MYO18A: variants seen among roughly 807,000 people sequenced by gnomAD.
MYO18A encodes the protein unconventional myosin-XVIIIa.
In MYO18A, 78 loss-of-function variants were observed where a neutral mutation model predicts 235.8. That is an observed-to-expected ratio of 0.33 (90% CI 0.28 to 0.40). The LOEUF is 0.40. MYO18A is among the 10% of genes least tolerant of loss of function. The pLI is 1.00. For synonymous variants in MYO18A, 977 were observed against 1,077.8 expected, an observed-to-expected ratio of 0.91 and a Z score of 1.83; for missense variants, 2,215 against 2,699.3, an observed-to-expected ratio of 0.82 and a Z score of 3.98.
chr17:29,077,205 T>TG (rs1394307185), intron 41 of MYO18A: 1 of 152,272 alleles, frequency 6.6e-6, no homozygotes, highest in Non-Finnish European at 1.5e-5. Context: ...CCATTCTTAG[T>TG]GGCTTCCACT....
rs574405614 is a variant in MYO18A, at chr17:29,163,354, G to T, written c.999+2588C>A. Among the ~76,000 whole-genome samples the T allele has an allele frequency of 4.6e-5, 7 of 152,306 alleles. No homozygotes were observed. In the South Asian group the frequency reaches 1.2e-3, roughly 27 times the overall value. On this transcript the variant is annotated intron_variant, in intron 2 of 41. Coordinates refer to ENST00000527372, the MANE Select transcript of MYO18A (RefSeq NM_078471.4). ...CTCACCCTGGTCCTCTCTGCTTGTG[G>T]TATGAGTCCCCACCACCTACCTGGG...
Position 29,098,349 on chromosome 17 carries a change from C to A in MYO18A, c.3870+7G>T. 3 of 1,613,628 alleles carry A rather than the reference C, an allele frequency of 1.9e-6. No homozygotes were observed. The highest frequency in any genetic ancestry group is 1.1e-5 in the South Asian group (1 of 91,054). Reference sequence around the variant, plus strand: ...GCCCAGTCGGTGTGGTGCCAGGAGTCACTCACCCGGCTCTCCAGCCGGTCA... The same window carrying A: ...GCCCAGTCGGTGTGGTGCCAGGAGTAACTCACCCGGCTCTCCAGCCGGTCA... On this transcript the variant is annotated splice_region_variant and intron_variant, in intron 24 of 41. Coordinates refer to ENST00000527372, the MANE Select transcript of MYO18A (RefSeq NM_078471.4).
At chr17:29,107,591 G>C (rs1182965877) in intron 19 of MYO18A, 2 of 116,834 alleles carry the variant, frequency 1.7e-5, no homozygotes, top group African/African-American at 7.1e-5. Context: ...ACAAAATAAT[G>C]TCTTATGGTC....
rs1301701060 is a variant in MYO18A, at chr17:29,074,761, TC to T, written c.*8del. ...CTGGGGTGAGAGGGCTGCCAACCAC[TC>T]CCCTGGGCTATGCGTTAGTCTCCGT... On this transcript the variant is annotated 3_prime_UTR_variant, in exon 42 of 42. Transcript: ENST00000527372. This position sits in a 1 kb window ranked among gnomAD's most constrained non-coding sequence, Gnocchi z 4.4. 1 of 1,613,068 alleles carries T rather than the reference TC, an allele frequency of 6.2e-7. No homozygotes were observed. The highest frequency in any genetic ancestry group is 1.1e-5 in the South Asian group (1 of 91,014).
At position 29,109,543 on chromosome 17, in the gene MYO18A, A is replaced by G. The variant is rs547192774; in HGVS notation, c.3331+315T>C. 1.4e-4 allele frequency among the ~76,000 whole-genome samples: 21 copies of G among 152,326 alleles called. No individual in the cohort carries two copies. The highest frequency in any genetic ancestry group is 5.1e-4 in the African/African-American group (21 of 41,576). Reference sequence around the variant, plus strand: ...GGTTTGCTGCTGTGGGCAAAGCTGAACTGTCCAAACTAGGGACGTGGGAAG... The same window carrying G: ...GGTTTGCTGCTGTGGGCAAAGCTGAGCTGTCCAAACTAGGGACGTGGGAAG... On this transcript the variant is annotated intron_variant, in intron 19 of 41. Transcript: ENST00000527372. The surrounding 1 kb of genome is among the most constrained non-coding windows in gnomAD (Gnocchi z 4.1).
At chr17:29,076,635 T>C (rs1282486242) in intron 41 of MYO18A, 1 of 152,204 alleles carries the variant, frequency 6.6e-6, no homozygotes, top group Non-Finnish European at 1.5e-5. Context: ...ACTTAGGGAC[T>C]CTGGGGGGGT....
chr17:29,122,266 GAGA>G lies in MYO18A; in HGVS notation c.1000-16_1000-14del, dbSNP rs752620203. 11 of 1,605,880 alleles carry G rather than the reference GAGA, an allele frequency of 6.8e-6. No homozygotes were observed. In the East Asian group the frequency reaches 2.2e-4, roughly 33 times the overall value. ...CTTCTGTTTTCGCCTGTCAGAGAGAGAGAAGAATAAACAGGCCCTGCTATGGAA... is the reference window on the plus strand; with the variant it reads ...CTTCTGTTTTCGCCTGTCAGAGAGAGAGAATAAACAGGCCCTGCTATGGAA... On this transcript the variant is annotated splice_polypyrimidine_tract_variant and intron_variant, in intron 2 of 41. Coordinates refer to ENST00000527372, the MANE Select transcript of MYO18A (RefSeq NM_078471.4).
intron 2 of MYO18A, chr17:29,129,195 TGCGGCCAC>T: frequency 9.7e-7 from 1 of 1,032,300 alleles, no homozygotes; most frequent in Non-Finnish European, 1.3e-6. Flanking sequence ...GTCCCTCGTC[TGCGGCCAC>T]TGTCTGCCCT....
intron 41 of MYO18A, among the ~76,000 whole-genome samples, chr17:29,079,136 C>G (rs9896452): frequency 4.3e-4 from 65 of 152,320 alleles, no homozygotes; most frequent in African/African-American, 1.5e-3. Context: ...CCAACCACAG[C>G]TGGGGTATAG....
intron 2 of MYO18A, chr17:29,128,626 G>A (rs1707033318): frequency 9.5e-7 from 1 of 1,056,164 alleles, no homozygotes; most frequent in African/African-American, 1.7e-5. Flanking sequence ...AAGAAGGTGT[G>A]ACCTCACGCC....
Position 29,121,525 on chromosome 17 carries a change from G to T in MYO18A, c.1371+22C>A. 1 of 1,582,330 alleles carries T rather than the reference G, an allele frequency of 6.3e-7. No homozygotes were observed. ...AGGGGGTGGGACCAGGAGTCTGCAGGGTAGCCTTGAGGGTGCTGCACCTTC... is the reference window on the plus strand; with the variant it reads ...AGGGGGTGGGACCAGGAGTCTGCAGTGTAGCCTTGAGGGTGCTGCACCTTC... On this transcript the variant is annotated intron_variant, in intron 5 of 41. Transcript: ENST00000527372. This position sits in a 1 kb window ranked among gnomAD's most constrained non-coding sequence, Gnocchi z 4.2.
intron 21 of MYO18A, among the ~76,000 whole-genome samples, chr17:29,102,400 C>T (rs1018758097): frequency 1.3e-5 from 2 of 152,176 alleles, no homozygotes; most frequent in African/African-American, 4.8e-5. Context: ...GCAGCTGAAG[C>T]AAATCCTGAC....
At chr17:29,093,055 T>C (rs1465017737) in intron 32 of MYO18A, 54 bp from the exon 33 acceptor site, 2 of 1,575,036 alleles carry the variant, frequency 1.3e-6, no homozygotes, top group Non-Finnish European at 1.7e-6. Context: ...CTTCCTCCTA[T>C]CTTCCCCAAG....
At chr17:29,097,486 T>G in intron 26 of MYO18A, 136 bp from the exon 27 acceptor site, 1 of 1,211,622 alleles carries the variant, frequency 8.3e-7, no homozygotes, top group Non-Finnish European at 1.2e-6. Context: ...AATGATGGCT[T>G]CCTCCCAAGG....
chr17:29,105,163 C>A (rs2066750648), intron 20 of MYO18A, among the ~76,000 whole-genome samples: 1 of 128,606 alleles, frequency 7.8e-6, no homozygotes, highest in African/African-American at 3.1e-5. Context: ...CAGAACGAGA[C>A]TCTGTCTCAA....
Position 29,125,335 on chromosome 17 carries a change from AG to A in MYO18A, c.1000-3083del, listed in dbSNP as rs2067295548. ...TATAGCACTCCCACCTCTGCCAGCC[AG>A]GCACACCGACCCCATCTAGATCCAA... On this transcript the variant is annotated intron_variant, in intron 2 of 41. Transcript: ENST00000527372. The surrounding 1 kb of genome is among the most constrained non-coding windows in gnomAD (Gnocchi z 5.1). Among the ~76,000 whole-genome samples, 1 of 152,164 alleles carries A rather than the reference AG, an allele frequency of 6.6e-6. No homozygotes were observed. The highest frequency in any genetic ancestry group is 1.5e-5 in the Non-Finnish European group (1 of 68,014).
Position 29,120,537 on chromosome 17 carries a change from T to A in MYO18A, c.1728+79A>T. On this transcript the variant is annotated intron_variant, in intron 7 of 41. Transcript: ENST00000527372. The surrounding 1 kb of genome is among the most constrained non-coding windows in gnomAD (Gnocchi z 4.2). ...GGTAGAATCCCAGGAAAATGAGGCA[T>A]GGGAGAGAGCCTGATGTCTAGGTCA... 1 of 1,515,190 alleles carries A rather than the reference T, an allele frequency of 6.6e-7. No homozygotes were observed. Among genetic ancestry groups the A allele is most frequent in the Non-Finnish European group, 8.9e-7 (1 of 1,123,696 alleles). 93.9% of individuals were successfully genotyped at this position (1,515,190 alleles called of 1,614,324 possible).
intron 41 of MYO18A, chr17:29,076,453 T>C (rs1176338103): frequency 6.6e-6 from 1 of 151,884 alleles, no homozygotes; most frequent in African/African-American, 2.4e-5. Context: ...AAGAGGCTGA[T>C]AGAATACATG....
In MYO18A at chr17:29,120,125, T is replaced by C. The variant is rs1475943997; in HGVS notation, c.1728+491A>G. Among the ~76,000 whole-genome samples the C allele has an allele frequency of 6.6e-6, 1 of 152,188 alleles. No individual in the cohort carries two copies. Among genetic ancestry groups the C allele is most frequent in the Non-Finnish European group, 1.5e-5 (1 of 68,002 alleles). Reference sequence around the variant, plus strand: ...ATCAAATGGGGGACAGAAACCAGAATGAGGTGGAAGAAGACAGGCCCAGCT... The same window carrying C: ...ATCAAATGGGGGACAGAAACCAGAACGAGGTGGAAGAAGACAGGCCCAGCT... On this transcript the variant is annotated intron_variant, in intron 7 of 41. Transcript: ENST00000527372. The surrounding 1 kb of genome is among the most constrained non-coding windows in gnomAD (Gnocchi z 4.2).
Sources: allele counts gnomAD v4.1 joint callset (sites outside exome capture counted in the v4.1 genomes callset), GRCh38; gene constraint gnomAD v4.1.1; non-coding constraint Gnocchi (gnomAD v3.1); transcripts MANE v1.5; gene names NCBI Gene and HGNC (gene_info 2026-07-23, HGNC 2026-07-21).